Variants in DPP10 observed in about 807,000 individuals in gnomAD.
The protein encoded by DPP10 is inactive dipeptidyl peptidase 10.
Under a neutral mutation model 120.9 loss-of-function variants are expected in DPP10, and 33 were observed. The observed-to-expected ratio is 0.27, with a 90% CI of 0.21 to 0.37. DPP10 has a LOEUF of 0.37. Ranked by LOEUF, DPP10 falls within the 10% of genes least tolerant of loss-of-function variation. DPP10 has a pLI of 1.00. For missense variants in DPP10, 816 were observed against 942.8 expected (o/e 0.87, Z 1.76); for synonymous variants, 337 against 326.1 (o/e 1.03, Z -0.36).
rs781640123 is a variant in DPP10 at position 115,739,908 on chromosome 2, A to C, written c.852+15A>C. 6.2e-7 allele frequency: 1 copy of C among 1,611,836 alleles called. No homozygotes were observed. Among genetic ancestry groups the C allele is most frequent in the East Asian group, 2.2e-5 (1 of 44,810 alleles). The stretch of plus-strand genomic sequence containing the variant: ...CGTATCCTAAGGTAAGTAACATGGA[A>C]GTACTATTTTGTTCCTTCTCTCTCT... On this transcript the variant is annotated intron_variant, in intron 9 of 25. Transcript: ENST00000410059.
At chr2:114,653,021 A>AGTGTGTGT (rs1274429983) in intron 1 of DPP10, among the ~76,000 whole-genome samples, 2 of 111,056 alleles carry the variant, frequency 1.8e-5, no homozygotes, top group African/African-American at 1.2e-4. Context: ...AGAGAGAGAG[A>AGTGTGTGT]GAGAGAGTGT....
intron 1 of DPP10, among the ~76,000 whole-genome samples, chr2:114,880,706 A>G (rs1232971980): frequency 6.6e-6 from 1 of 152,176 alleles, no homozygotes; most frequent in South Asian, 2.1e-4. Flanking sequence ...GAGGAAATAT[A>G]CAAAATGTGC....
intron 5 of DPP10, among the ~76,000 whole-genome samples, chr2:115,593,994 C>T (rs979951901): frequency 6.6e-6 from 1 of 152,170 alleles, no homozygotes; most frequent in Non-Finnish European, 1.5e-5. Flanking sequence ...TTCCTCTCTT[C>T]TTGAAGTCCT....
At chr2:115,162,220 G>T (rs1488457072) in intron 1 of DPP10, 4 of 1,558,712 alleles carry the variant, frequency 2.6e-6, no homozygotes, top group Non-Finnish European at 3.5e-6. Flanking sequence ...TGCGCTCCGG[G>T]GCCCGGCGAG....
intron 1 of DPP10, among the ~76,000 whole-genome samples, chr2:115,158,465 T>C (rs1052147185): frequency 5.3e-5 from 8 of 152,324 alleles, no homozygotes; most frequent in African/African-American, 1.9e-4. Flanking sequence ...GAAAGCAGCA[T>C]TGTGAGTTCT....
intron 7 of DPP10, among the ~76,000 whole-genome samples, chr2:115,694,170 A>G (rs1436114259): frequency 2.6e-5 from 4 of 152,164 alleles, no homozygotes; most frequent in Admixed American, 6.5e-5. Context: ...CAAATGGCCA[A>G]TGGTCCATTT....
At chr2:114,841,926 T>G (rs891673228) in intron 1 of DPP10, among the ~76,000 whole-genome samples, 2 of 152,132 alleles carry the variant, frequency 1.3e-5, no homozygotes, top group Non-Finnish European at 2.9e-5. Flanking sequence ...CAAGTCTGAC[T>G]CAATGGTAAA....
At chr2:115,665,542 C>T (rs987831526) in intron 5 of DPP10, among the ~76,000 whole-genome samples, 1 of 152,172 alleles carries the variant, frequency 6.6e-6, no homozygotes, top group Middle Eastern at 3.4e-3. Context: ...GAAAATGAAG[C>T]AACTTAAATA....
At chr2:114,845,958 C>T (rs1282818459) in intron 1 of DPP10, among the ~76,000 whole-genome samples, 2 of 152,046 alleles carry the variant, frequency 1.3e-5, no homozygotes, top group African/African-American at 4.8e-5. Flanking sequence ...TAGTTTTCTT[C>T]CTGACATCTT....
At chr2:114,476,499 A>C (rs1680381538) in intron 1 of DPP10, among the ~76,000 whole-genome samples, 1 of 152,224 alleles carries the variant, frequency 6.6e-6, no homozygotes, top group Admixed American at 6.5e-5. Context: ...GCTGTTCAAC[A>C]CTAAGGCCCA....
intron 1 of DPP10, among the ~76,000 whole-genome samples, chr2:114,463,640 A>G (rs1214446656): frequency 1.3e-5 from 2 of 152,118 alleles, no homozygotes; most frequent in African/African-American, 4.8e-5. Flanking sequence ...GGATCTCTTA[A>G]TCTACTAGTT....
chr2:115,169,037 T>A, intron 1 of DPP10, among the ~76,000 whole-genome samples: 1 of 152,220 alleles, frequency 6.6e-6, no homozygotes, highest in East Asian at 1.9e-4. Flanking sequence ...TATTAAAATA[T>A]TCTATAACAT....
intron 21 of DPP10, among the ~76,000 whole-genome samples, chr2:115,833,781 T>C (rs1689166032): frequency 6.6e-6 from 1 of 152,208 alleles, no homozygotes; most frequent in African/African-American, 2.4e-5. Context: ...TTTTCATCCC[T>C]GAGATAACAC....
intron 1 of DPP10, among the ~76,000 whole-genome samples, chr2:114,493,334 G>A (rs1682169898): frequency 6.6e-6 from 1 of 152,102 alleles, no homozygotes; most frequent in African/African-American, 2.4e-5. Context: ...GAGGACTGCT[G>A]GAGTATAATT....
intron 1 of DPP10, among the ~76,000 whole-genome samples, chr2:115,184,956 C>T (rs1465561902): frequency 1.3e-5 from 2 of 152,192 alleles, no homozygotes; most frequent in Non-Finnish European, 2.9e-5. Context: ...ATACAATCAT[C>T]ATTGCTTGAG....
chr2:115,332,018 CG>C (rs1216714468), intron 2 of DPP10, among the ~76,000 whole-genome samples: 1 of 152,094 alleles, frequency 6.6e-6, no homozygotes, highest in Non-Finnish European at 1.5e-5. Context: ...TCTCCTTGTA[CG>C]TCTGGTAGAA....
chr2:115,780,298 T>C (rs1488466171), intron 15 of DPP10, among the ~76,000 whole-genome samples: 3 of 151,956 alleles, frequency 2.0e-5, no homozygotes, highest in Non-Finnish European at 2.9e-5. Flanking sequence ...AAGTGTGTAT[T>C]GTTGTTAGTG....
intron 13 of DPP10, among the ~76,000 whole-genome samples, chr2:115,775,675 A>C (rs1179031747): frequency 1.3e-5 from 2 of 152,098 alleles, no homozygotes; most frequent in Non-Finnish European, 2.9e-5. Context: ...TCTTTAGTAC[A>C]ATTTATGACA....
At chr2:115,071,284 C>A (rs1344720594) in intron 1 of DPP10, among the ~76,000 whole-genome samples, 1 of 152,076 alleles carries the variant, frequency 6.6e-6, no homozygotes, top group Admixed American at 6.6e-5. Flanking sequence ...TCTACATCCT[C>A]CTCCACGTCC....
Sources: allele counts gnomAD v4.1 joint callset (sites outside exome capture counted in the v4.1 genomes callset), GRCh38; gene constraint gnomAD v4.1.1; transcripts MANE v1.5; gene names NCBI Gene and HGNC (gene_info 2026-07-23, HGNC 2026-07-21).